Variants in FILIP1L observed in about 807,000 individuals in gnomAD.
FILIP1L encodes filamin A interacting protein 1 like.
In FILIP1L, 55 loss-of-function variants were observed where a neutral mutation model predicts 96.6. The ratio of observed to expected loss-of-function variants is 0.57; its 90% CI spans 0.46 to 0.71. FILIP1L has a LOEUF of 0.71. FILIP1L is among the 30% of genes least tolerant of loss of function. The pLI, the probability that FILIP1L is intolerant of heterozygous loss-of-function variation, is 0.00. For synonymous variants in FILIP1L, 467 were observed against 473.9 expected, an observed-to-expected ratio of 0.99 and a Z score of 0.19; for missense variants, 1,304 against 1,321.2, an observed-to-expected ratio of 0.99 and a Z score of 0.20.
At chr3:99,856,199 C>T (rs545768335) in intron 4 of FILIP1L, among the ~76,000 whole-genome samples, 144 of 152,222 alleles carry the variant, frequency 9.5e-4, no homozygotes, top group Non-Finnish European at 1.9e-3. Context: ...TCTGATGCCC[C>T]AGAGGGGTTT....
intron 1 of FILIP1L, among the ~76,000 whole-genome samples, chr3:100,064,476 G>T (rs2065628546): frequency 6.6e-6 from 1 of 151,662 alleles, no homozygotes; most frequent in South Asian, 2.1e-4. Context: ...ACTGCATTAA[G>T]TGTGCTGTGA....
At chr3:99,962,612 A>T (rs1708526984) in intron 1 of FILIP1L, among the ~76,000 whole-genome samples, 1 of 152,190 alleles carries the variant, frequency 6.6e-6, no homozygotes, top group African/African-American at 2.4e-5. Context: ...TATACACAGG[A>T]TTATAATTAA....
At chr3:99,925,854 C>T (rs1707276872) in intron 3 of FILIP1L, 1 of 985,342 alleles carries the variant, frequency 1.0e-6, no homozygotes, top group African/African-American at 1.7e-5. Flanking sequence ...GCCAAGCTCA[C>T]TGGGCTGGTT....
At chr3:99,943,261 C>T (rs1452531220) in intron 1 of FILIP1L, among the ~76,000 whole-genome samples, 2 of 152,112 alleles carry the variant, frequency 1.3e-5, no homozygotes, top group African/African-American at 4.8e-5. Flanking sequence ...TGTGTGTGGC[C>T]TTCAAAGGAG....
chr3:99,879,261 C>T (rs557821733), intron 4 of FILIP1L, among the ~76,000 whole-genome samples: 49 of 152,232 alleles, frequency 3.2e-4, no homozygotes, highest in African/African-American at 1.2e-3. Context: ...AGGCAAGAAA[C>T]AAGGAGATAC....
intron 1 of FILIP1L, among the ~76,000 whole-genome samples, chr3:100,075,266 C>G (rs1576024732): frequency 6.6e-6 from 1 of 152,180 alleles, no homozygotes; most frequent in East Asian, 1.9e-4. Context: ...TAATGGACTT[C>G]TAATGACACA....
At chr3:100,037,956 T>TTTTG (rs1491209575) in intron 1 of FILIP1L, among the ~76,000 whole-genome samples, 1,775 of 86,814 alleles carry the variant, frequency 0.02, 36 homozygotes, top group East Asian at 0.14. Flanking sequence ...TTTTTTTTTT[T>TTTTG]GGGGGGGGAG....
intron 5 of FILIP1L, among the ~76,000 whole-genome samples, chr3:99,838,145 TG>T (rs1484564477): frequency 1.3e-5 from 2 of 152,234 alleles, no homozygotes; most frequent in Admixed American, 1.3e-4. Context: ...TAGGATAAAG[TG>T]GACACTGACT....
intron 1 of FILIP1L, among the ~76,000 whole-genome samples, chr3:99,949,055 G>A (rs1382681670): frequency 1.3e-5 from 2 of 152,142 alleles, no homozygotes; most frequent in Admixed American, 6.5e-5. Flanking sequence ...TTAGTTGAAT[G>A]CCACCTGACA....
chr3:99,893,310 C>T (rs528841013), intron 4 of FILIP1L, among the ~76,000 whole-genome samples: 3 of 152,004 alleles, frequency 2.0e-5, no homozygotes, highest in Admixed American at 6.5e-5. Context: ...GGACTACAGG[C>T]GCCTGCCACC....
At chr3:99,848,235 G>T in intron 5 of FILIP1L, 60 bp downstream of exon 5, 1 of 1,589,168 alleles carries the variant, frequency 6.3e-7, no homozygotes, top group Non-Finnish European at 8.6e-7. Flanking sequence ...TGAGTTCCTT[G>T]CAAAAATATC....
intron 1 of FILIP1L, among the ~76,000 whole-genome samples, chr3:100,056,481 C>T (rs1241288378): frequency 6.6e-6 from 1 of 152,080 alleles, no homozygotes; most frequent in Non-Finnish European, 1.5e-5. Context: ...ACAAAGATAA[C>T]AAAAGTTTAT....
At chr3:99,964,000 G>A (rs1708570860) in intron 1 of FILIP1L, among the ~76,000 whole-genome samples, 1 of 152,028 alleles carries the variant, frequency 6.6e-6, no homozygotes, top group South Asian at 2.1e-4. Context: ...GTACAACCAA[G>A]GTGAAGCTGA....
At chr3:99,844,205 C>T (rs1943261912) in intron 5 of FILIP1L, among the ~76,000 whole-genome samples, 1 of 152,164 alleles carries the variant, frequency 6.6e-6, no homozygotes, top group African/African-American at 2.4e-5. Context: ...CGTTTTAGGG[C>T]ACAATTAACC....
At chr3:100,057,179 C>T (rs1413781815) in intron 1 of FILIP1L, among the ~76,000 whole-genome samples, 9 of 152,128 alleles carry the variant, frequency 5.9e-5, no homozygotes, top group Non-Finnish European at 1.2e-4. Flanking sequence ...TTGCCTGCCA[C>T]GTGGCTTCTC....
rs188687028 is a variant in FILIP1L at position 100,035,330 on chromosome 3, A to G, written c.-11+78723T>C. Among the ~76,000 whole-genome samples the G allele has an allele frequency of 2.4e-4, 37 of 152,256 alleles. No individual in the cohort carries two copies. In the East Asian group the frequency reaches 6.6e-3, roughly 27 times the overall value. ...ACTCTGTCACCCAGGCTGGAGTTCA[A>G]TGGCACAATCTTGGCTCACTGCAAC... On this transcript the variant is annotated intron_variant, in intron 1 of 5. Transcript: ENST00000477258.
intron 1 of FILIP1L, among the ~76,000 whole-genome samples, chr3:100,001,191 T>A (rs1332544108): frequency 6.6e-6 from 1 of 152,236 alleles, no homozygotes; most frequent in East Asian, 1.9e-4. Context: ...CCCTCTCACT[T>A]TGTCTCAGTT....
chr3:100,087,713 GAA>G (rs1431146222), intron 1 of FILIP1L, among the ~76,000 whole-genome samples: 4 of 151,938 alleles, frequency 2.6e-5, no homozygotes, highest in African/African-American at 9.7e-5. Flanking sequence ...TTTCACAAAG[GAA>G]AAGTTTTTGA....
intron 1 of FILIP1L, among the ~76,000 whole-genome samples, chr3:100,089,653 T>A (rs929382780): frequency 6.6e-6 from 1 of 152,250 alleles, no homozygotes; most frequent in Non-Finnish European, 1.5e-5. Flanking sequence ...ATCACTTTAC[T>A]GATGTCTTAC....
Sources: gnomAD v4.1 joint callset for allele counts (sites outside exome capture counted in the v4.1 genomes callset) on GRCh38, gnomAD v4.1.1 for gene constraint, MANE v1.5 for transcripts, NCBI Gene and HGNC (gene_info 2026-07-23, HGNC 2026-07-21) for gene names.